COBL: variants seen among roughly 807,000 people sequenced by gnomAD.
COBL encodes the protein cordon-bleu WH2 repeat protein.
A neutral mutation model predicts 98.8 loss-of-function variants in COBL; 51 were observed. The observed-to-expected ratio is 0.52, with a 90% confidence interval of 0.41 to 0.65. The LOEUF (loss-of-function observed/expected upper bound fraction) is 0.65, where lower values mean the gene tolerates loss of function less well. Among genes scored for constraint, COBL ranks in the 30% least tolerant of loss-of-function variants. The pLI is 0.00. For synonymous variants in COBL, 634 were observed against 651.7 expected (o/e 0.97, Z 0.41); for missense variants, 1,617 against 1,617.5 (o/e 1.00, Z 0.01).
intron 8 of COBL, among the ~76,000 whole-genome samples, chr7:51,036,870 G>GCC (rs1440957349): frequency 6.6e-6 from 1 of 152,186 alleles, no homozygotes; most frequent in Non-Finnish European, 1.5e-5. Context: ...CAGCATTCCT[G>GCC]TGGAATTGAT....
chr7:51,230,216 G>A (rs545077182), intron 1 of COBL, among the ~76,000 whole-genome samples: 2 of 152,212 alleles, frequency 1.3e-5, no homozygotes, highest in South Asian at 4.2e-4. Flanking sequence ...CTGCCACCTC[G>A]CTGCCACAAC....
At chr7:51,111,218 G>C (rs1796791988) in intron 6 of COBL, among the ~76,000 whole-genome samples, 1 of 152,126 alleles carries the variant, frequency 6.6e-6, no homozygotes, top group Non-Finnish European at 1.5e-5. Flanking sequence ...TGGGATTGCT[G>C]CATCATTTAG....
intron 7 of COBL, among the ~76,000 whole-genome samples, chr7:51,057,475 C>G (rs1043947507): frequency 6.6e-6 from 1 of 152,048 alleles, no homozygotes; most frequent in East Asian, 1.9e-4. Flanking sequence ...AGCATAAAAG[C>G]AATGAATAGT....
chr7:51,247,640 G>A (rs775717864), intron 1 of COBL, among the ~76,000 whole-genome samples: 5 of 152,078 alleles, frequency 3.3e-5, no homozygotes, highest in Admixed American at 1.3e-4. Context: ...ATGGCAGGGG[G>A]TGGGGAGTCT....
At chr7:51,058,922 C>T (rs1345365006) in intron 7 of COBL, among the ~76,000 whole-genome samples, 2 of 152,234 alleles carry the variant, frequency 1.3e-5, no homozygotes, top group African/African-American at 4.8e-5. Context: ...GTGCAGATTA[C>T]ACCTTCTCGG....
chr7:51,136,597 A>C (rs1799262615), intron 5 of COBL, among the ~76,000 whole-genome samples: 1 of 152,160 alleles, frequency 6.6e-6, no homozygotes, highest in African/African-American at 2.4e-5. Context: ...TTAAGAGAAC[A>C]CTTAGCAGCT....
In COBL at chr7:51,029,442, C is replaced by A; in HGVS notation, c.1654G>T (p.Val552Leu). The change falls in exon 10 of 13, where the codon GTG becomes TTG. Residue 552 changes from valine (V) to leucine (L), a missense_variant. Physicochemically the swap from Val to Leu is conservative, Grantham distance 32 (BLOSUM62 1). Transcript: ENST00000265136. Reference protein sequence around the residue: ...TFIGEVSDDPVDSGLFSNRNN... With the variant: ...TFIGEVSDDPLDSGLFSNRNN... ...CTATTGGAAAACAACCCCGAATCCA[C>A]AGGATCATCTGAAACTTCCCCTATG... 6.2e-7 allele frequency: 1 copy of A among 1,614,186 alleles called. No homozygotes were observed. Among genetic ancestry groups the A allele is most frequent in the Non-Finnish European group, 8.5e-7 (1 of 1,180,040 alleles).
intron 6 of COBL, among the ~76,000 whole-genome samples, chr7:51,121,381 G>A (rs1797723448): frequency 6.6e-6 from 1 of 151,976 alleles, no homozygotes; most frequent in Admixed American, 6.6e-5. Flanking sequence ...GTTTTTTGTT[G>A]TTGAGTTGAA....
chr7:51,108,957 C>CACACACA (rs869144573), intron 6 of COBL, among the ~76,000 whole-genome samples: 10 of 83,918 alleles, frequency 1.2e-4, no homozygotes, highest in African/African-American at 3.2e-4. Context: ...CACACACACA[C>CACACACA]CCCCTGCCCC....
chr7:51,142,169 A>G (rs914428762), intron 5 of COBL, among the ~76,000 whole-genome samples: 1 of 152,130 alleles, frequency 6.6e-6, no homozygotes, highest in African/African-American at 2.4e-5. Context: ...TGAGGCGAGT[A>G]GGAAATGATC....
intron 5 of COBL, among the ~76,000 whole-genome samples, chr7:51,157,925 TCACA>T (rs1786355244): frequency 6.6e-6 from 1 of 152,236 alleles, no homozygotes; most frequent in African/African-American, 2.4e-5. Flanking sequence ...CAGACAATCA[TCACA>T]CACATTGTTA....
At chr7:51,168,482 A>C (rs929981062) in intron 5 of COBL, among the ~76,000 whole-genome samples, 1 of 152,218 alleles carries the variant, frequency 6.6e-6, no homozygotes, top group Non-Finnish European at 1.5e-5. Flanking sequence ...TTCTCAAAAG[A>C]AGACATACAA....
intron 5 of COBL, among the ~76,000 whole-genome samples, chr7:51,148,042 G>A (rs531930718): frequency 2.0e-5 from 3 of 152,224 alleles, no homozygotes; most frequent in African/African-American, 7.2e-5. Flanking sequence ...GATTACAGGT[G>A]TGAGCCACCA....
At chr7:51,208,301 C>T (rs1022313383) in intron 2 of COBL, among the ~76,000 whole-genome samples, 20 of 150,764 alleles carry the variant, frequency 1.3e-4, no homozygotes, top group African/African-American at 4.9e-4. Context: ...AAGTGAGGAG[C>T]GTCTCCGCCC....
intron 1 of COBL, among the ~76,000 whole-genome samples, chr7:51,247,034 C>T (rs1431114352): frequency 6.6e-6 from 1 of 152,206 alleles, no homozygotes; most frequent in Admixed American, 6.5e-5. Context: ...GCCTGCAGGA[C>T]TCAGTGCCTC....
intron 6 of COBL, among the ~76,000 whole-genome samples, chr7:51,086,810 AT>A (rs1317304065): frequency 3.9e-5 from 6 of 152,206 alleles, no homozygotes; most frequent in African/African-American, 1.2e-4. Flanking sequence ...TTCTAAAAAT[AT>A]TTTTTTCTTT....
intron 12 of COBL, chr7:51,022,617 G>A (rs1295986043): frequency 6.6e-6 from 1 of 152,050 alleles, no homozygotes; most frequent in Non-Finnish European, 1.5e-5. Flanking sequence ...CGCATTCTCA[G>A]AAGCCAAAAG....
intron 8 of COBL, chr7:51,034,566 T>C (rs976581261): frequency 1.3e-5 from 2 of 152,246 alleles, no homozygotes; most frequent in African/African-American, 4.8e-5. Context: ...CTAACTCCCA[T>C]CTACTTCTCT....
At chr7:51,102,016 T>G (rs995569162) in intron 6 of COBL, among the ~76,000 whole-genome samples, 4 of 152,104 alleles carry the variant, frequency 2.6e-5, no homozygotes, top group African/African-American at 9.7e-5. Flanking sequence ...TCTCTAGCTC[T>G]TTTTCTGCCA....
Sources: gnomAD v4.1 joint callset for allele counts (sites outside exome capture counted in the v4.1 genomes callset) on GRCh38, gnomAD v4.1.1 for gene constraint, MANE v1.5 for transcripts, NCBI Gene and HGNC (gene_info 2026-07-23, HGNC 2026-07-21) for gene names.